Variants in GLT1D1 observed in about 807,000 individuals in gnomAD.
The protein encoded by GLT1D1 is glycosyltransferase 1 domain-containing protein 1.
GLT1D1 carries 21 observed loss-of-function variants against 28.7 expected under a neutral mutation model. The ratio of observed to expected loss-of-function variants is 0.73; its 90% CI spans 0.52 to 1.05. The LOEUF (loss-of-function observed/expected upper bound fraction) is 1.05, where lower values mean the gene tolerates loss of function less well. Ranked by LOEUF, GLT1D1 falls within the 50% of genes least tolerant of loss-of-function variation. The pLI is 0.00. For synonymous variants in GLT1D1, 147 were observed against 124.8 expected, an observed-to-expected ratio of 1.18 and a Z score of -1.19; for missense variants, 343 against 330.6, an observed-to-expected ratio of 1.04 and a Z score of -0.29.
At chr12:128,949,263 C>T (rs781462389) in intron 6 of GLT1D1, among the ~76,000 whole-genome samples, 1 of 152,140 alleles carries the variant, frequency 6.6e-6, no homozygotes, top group African/African-American at 2.4e-5. Context: ...GCGGATGAAT[C>T]GCTGTCAAAC....
In GLT1D1 at chr12:128,869,939, ATTTTTTT is replaced by A. The variant is rs35487977; in HGVS notation, c.69-5964_69-5958del. ...AAAAAAGAGTTCCTGTGTGTATTCT[ATTTTTTT>A]TTTTTTTTTTGAGGCAGAGTCTTGC... On this transcript the variant is annotated intron_variant, in intron 1 of 7. Transcript: ENST00000281703. Among the ~76,000 whole-genome samples the A allele has an allele frequency of 1.4e-3, 179 of 125,258 alleles. 1 individual carries two copies. Among genetic ancestry groups the A allele is most frequent in the African/African-American group, 5.0e-3 (170 of 34,306 alleles). The allele number at this position is 125,258 out of a possible 152,430, so 82.2% of individuals were successfully genotyped here.
At chr12:128,971,470 GCCTCCCTCCCTCCCTCTCTCTA>G (rs1172095555) in intron 7 of GLT1D1, among the ~76,000 whole-genome samples, 51 of 91,312 alleles carry the variant, frequency 5.6e-4, no homozygotes, top group Non-Finnish European at 9.1e-4. Context: ...CCCTCCCTCT[GCCTCCCTCCCTCCCTCTCTCTA>G]CCTCCCTCCC....
intron 2 of GLT1D1, among the ~76,000 whole-genome samples, chr12:128,881,558 AAAAATAT>A (rs1447198305): frequency 1.4e-5 from 1 of 72,404 alleles, no homozygotes; most frequent in Non-Finnish European, 2.5e-5. Flanking sequence ...AAAAAAAAAA[AAAAATAT>A]ATATATATAT....
chr12:128,952,039 T>A lies in GLT1D1; in HGVS notation c.540+4581T>A, dbSNP rs1054579311. ...ATGGGATGAGTGAGTTCATGCCTTC[T>A]GTCATTCAGCAGAAATGTGTAGAGT... is the stretch of plus-strand genomic sequence containing the variant. On this transcript the variant is annotated intron_variant, in intron 6 of 7. Coordinates refer to ENST00000281703, the MANE Select transcript of GLT1D1 (RefSeq NM_144669.3). Among the ~76,000 whole-genome samples the A allele has an allele frequency of 8.5e-5, 13 of 152,270 alleles. No homozygotes were observed. The East Asian group carries it at 1.7e-3, about 20-fold the overall frequency.
At chr12:128,873,067 T>A (rs1357590235) in intron 1 of GLT1D1, among the ~76,000 whole-genome samples, 6 of 152,114 alleles carry the variant, frequency 3.9e-5, no homozygotes, top group South Asian at 2.1e-4. Flanking sequence ...GGTAATTTTT[T>A]AAATTTTTTG....
intron 6 of GLT1D1, among the ~76,000 whole-genome samples, chr12:128,957,231 G>T (rs138493779): frequency 2.4e-4 from 37 of 152,204 alleles, no homozygotes; most frequent in Non-Finnish European, 4.4e-4. Flanking sequence ...TGCTCCATGC[G>T]GTCGGTCGGT....
At chr12:128,872,861 C>G (rs1414389175) in intron 1 of GLT1D1, among the ~76,000 whole-genome samples, 1 of 151,580 alleles carries the variant, frequency 6.6e-6, no homozygotes, top group Non-Finnish European at 1.5e-5. Flanking sequence ...CTTTCTTTCT[C>G]TTTCTCTGTC....
intron 3 of GLT1D1, among the ~76,000 whole-genome samples, chr12:128,892,291 G>A (rs973580093): frequency 2.0e-5 from 3 of 152,052 alleles, no homozygotes; most frequent in Non-Finnish European, 4.4e-5. Flanking sequence ...GAGCACACGT[G>A]TGAGTGTGCA....
chr12:128,854,487 G>A (rs551280972), intron 1 of GLT1D1, among the ~76,000 whole-genome samples: 7 of 150,460 alleles, frequency 4.7e-5, no homozygotes, highest in Admixed American at 2.7e-4. Flanking sequence ...CCCTTCTGTG[G>A]GCCTGTTTCC....
intron 4 of GLT1D1, among the ~76,000 whole-genome samples, chr12:128,925,377 C>G (rs565721260): frequency 6.6e-6 from 1 of 152,336 alleles, no homozygotes; most frequent in South Asian, 2.1e-4. Flanking sequence ...GTGTCCTTCC[C>G]CCATGTGTCC....
At chr12:128,976,530 T>TA (rs1456765563) in intron 7 of GLT1D1, among the ~76,000 whole-genome samples, 5 of 152,168 alleles carry the variant, frequency 3.3e-5, no homozygotes, top group Admixed American at 3.3e-4. Context: ...CGTCAACGTC[T>TA]CCCATCGACA....
rs1013605586 is a variant in GLT1D1 at position 128,939,845 on chromosome 12, C to A, written c.376-5481C>A. ...TTGCCAAATTGTTAGAAACCCCCCC[C>A]CACCGCCGATCCAATCACCTCCTAC... On this transcript the variant is annotated intron_variant, in intron 4 of 7. Coordinates refer to ENST00000281703, the MANE Select transcript of GLT1D1 (RefSeq NM_144669.3). Among the ~76,000 whole-genome samples the A allele has an allele frequency of 1.4e-4, 20 of 145,446 alleles. 4 individuals are homozygous for A. Among genetic ancestry groups the A allele is most frequent in the South Asian group, 1.3e-3 (6 of 4,468 alleles).
At chr12:128,880,293 G>T (rs1957003156) in intron 2 of GLT1D1, among the ~76,000 whole-genome samples, 1 of 152,118 alleles carries the variant, frequency 6.6e-6, no homozygotes. Flanking sequence ...GAGGAGAGGA[G>T]CCCTCTGCAA....
chr12:128,980,903 A>G (rs199561470), intron 7 of GLT1D1, among the ~76,000 whole-genome samples: 11 of 152,306 alleles, frequency 7.2e-5, no homozygotes, highest in African/African-American at 2.4e-4. Flanking sequence ...GCATACAGGG[A>G]TAGAGGGTGT....
At chr12:128,973,635 C>G (rs899371060) in intron 7 of GLT1D1, among the ~76,000 whole-genome samples, 1 of 152,042 alleles carries the variant, frequency 6.6e-6, no homozygotes. Context: ...GAAGGTCTCC[C>G]GGTCCCCCTC....
chr12:128,942,734 TG>T lies in GLT1D1; in HGVS notation c.376-2591del, dbSNP rs1347673453. On this transcript the variant is annotated intron_variant, in intron 4 of 7. Coordinates refer to ENST00000281703, the MANE Select transcript of GLT1D1 (RefSeq NM_144669.3). ...AATCACTTTAGATTCCAATTTTCTT[TG>T]TTTGTTTGTTTTTGTTTTTTGTTTT... Among the ~76,000 whole-genome samples the T allele has an allele frequency of 1.9e-4, 20 of 103,454 alleles. 4 individuals carry two copies. The highest frequency in any genetic ancestry group is 7.6e-4 in the African/African-American group (20 of 26,320). 67.9% of individuals were successfully genotyped at this position (103,454 alleles called of 152,430 possible). A position where few individuals can be genotyped will look rare whatever the true frequency, so the allele number is the denominator to read the frequency against.
At chr12:128,944,466 C>A in intron 4 of GLT1D1, 1 of 1,331,434 alleles carries the variant, frequency 7.5e-7, no homozygotes, top group African/African-American at 1.5e-5. Flanking sequence ...GTTTATCATC[C>A]TCACGCTGAA....
intron 4 of GLT1D1, among the ~76,000 whole-genome samples, chr12:128,917,300 A>G (rs1159495250): frequency 6.6e-5 from 10 of 152,146 alleles, no homozygotes; most frequent in African/African-American, 4.8e-5. Flanking sequence ...TTTTTTGCAT[A>G]TCAATTTAAA....
chr12:128,963,894 G>T (rs918140248), intron 7 of GLT1D1, among the ~76,000 whole-genome samples: 4 of 152,292 alleles, frequency 2.6e-5, no homozygotes, highest in African/African-American at 7.2e-5. Context: ...CTGCATCATC[G>T]GCCCATCATG....
Sources: gnomAD v4.1 joint callset for allele counts (sites outside exome capture counted in the v4.1 genomes callset) on GRCh38, gnomAD v4.1.1 for gene constraint, MANE v1.5 for transcripts, NCBI Gene and HGNC (gene_info 2026-07-23, HGNC 2026-07-21) for gene names.